HSPA4L: variants seen among roughly 807,000 people sequenced by gnomAD.
HSPA4L encodes the protein heat shock 70 kDa protein 4L.
In HSPA4L, 48 loss-of-function variants were observed where a neutral mutation model predicts 100.3. That is an observed-to-expected ratio of 0.48 (90% CI 0.38 to 0.61). HSPA4L has a LOEUF of 0.61. HSPA4L is among the 20% of genes least tolerant of loss of function. HSPA4L has a pLI of 0.00. For synonymous variants in HSPA4L, 319 were observed against 328.2 expected (o/e 0.97, Z 0.30); for missense variants, 886 against 988.6 (o/e 0.90, Z 1.39).
chr4:127,831,537 A>G (rs1026470754), intron 18 of HSPA4L, among the ~76,000 whole-genome samples: 9 of 150,704 alleles, frequency 6.0e-5, no homozygotes, highest in Non-Finnish European at 1.3e-4. Context: ...AGCAATCTAA[A>G]TATCTGTCAA....
At chr4:127,795,307 C>A (rs1390624877) in intron 2 of HSPA4L, among the ~76,000 whole-genome samples, 3 of 152,070 alleles carry the variant, frequency 2.0e-5, no homozygotes, top group Non-Finnish European at 4.4e-5. Flanking sequence ...CATCCCAAAT[C>A]CTGAAATCCA....
chr4:127,797,102 T>C (rs1413004779), intron 3 of HSPA4L, among the ~76,000 whole-genome samples: 3 of 152,146 alleles, frequency 2.0e-5, no homozygotes, highest in African/African-American at 7.2e-5. Context: ...GCTGTTAAAA[T>C]AGTTGAGGAA....
chr4:127,797,756 C>G (rs1324375464), intron 3 of HSPA4L, among the ~76,000 whole-genome samples: 1 of 152,022 alleles, frequency 6.6e-6, no homozygotes, highest in African/African-American at 2.4e-5. Flanking sequence ...CACCTGCCAC[C>G]ACGCCCAGCT....
chr4:127,829,446 A>C (rs898628153), intron 17 of HSPA4L, among the ~76,000 whole-genome samples: 2 of 152,070 alleles, frequency 1.3e-5, no homozygotes, highest in African/African-American at 4.8e-5. Context: ...TTATTAGAAT[A>C]ATACAGCAAG....
intron 11 of HSPA4L, 48 bp downstream of exon 11, chr4:127,808,177 A>T (rs373154311): frequency 1.2e-5 from 18 of 1,470,316 alleles, no homozygotes; most frequent in Non-Finnish European, 1.7e-5. Flanking sequence ...TTTATAAATA[A>T]TGTGTTATTT....
intron 6 of HSPA4L, among the ~76,000 whole-genome samples, chr4:127,802,969 A>C (rs536259162): frequency 6.6e-6 from 1 of 152,154 alleles, no homozygotes; most frequent in African/African-American, 2.4e-5. Flanking sequence ...TAGTCATTTA[A>C]CCCTAGGGAG....
At chr4:127,791,975 G>C (rs900468879) in intron 1 of HSPA4L, among the ~76,000 whole-genome samples, 5 of 152,184 alleles carry the variant, frequency 3.3e-5, no homozygotes, top group Non-Finnish European at 7.3e-5. Context: ...CAGGCATATA[G>C]TAATTATTAA....
At chr4:127,806,862 G>T (rs1436942313) in intron 10 of HSPA4L, among the ~76,000 whole-genome samples, 3 of 151,704 alleles carry the variant, frequency 2.0e-5, no homozygotes, top group Admixed American at 1.3e-4. Flanking sequence ...CAAAAATATG[G>T]ATTTTCAGCC....
At chr4:127,817,820 C>T (rs770022043) in intron 12 of HSPA4L, among the ~76,000 whole-genome samples, 9 of 151,944 alleles carry the variant, frequency 5.9e-5, no homozygotes, top group African/African-American at 1.5e-4. Flanking sequence ...TTATAAACAT[C>T]TTTCATATCA....
At chr4:127,827,564 C>T (rs1048744275) in intron 17 of HSPA4L, 140 bp downstream of exon 17, 6 of 779,460 alleles carry the variant, frequency 7.7e-6, no homozygotes, top group Non-Finnish European at 1.1e-5. Flanking sequence ...AAACTTAAAA[C>T]TTTTTTTTTT....
chr4:127,838,136 A>G lies in HSPA4L; in HGVS notation c.*5262A>G, dbSNP rs1013052990. 1.3e-5 allele frequency: 2 copies of G among 152,208 alleles called. No individual in the cohort carries two copies. The highest frequency in any genetic ancestry group is 2.9e-5 in the Non-Finnish European group (2 of 68,034). The allele number at this position is 152,208 out of a possible 1,614,324, so 9.4% of individuals were successfully genotyped here. ...TTTATATACTCATGTTTTCTAACAA[A>G]ACAGCTTTGGATTTATAATGCTGCC... On this transcript the variant is annotated 3_prime_UTR_variant, in exon 19 of 19. Coordinates refer to ENST00000296464, the MANE Select transcript of HSPA4L (RefSeq NM_014278.4).
intron 12 of HSPA4L, among the ~76,000 whole-genome samples, chr4:127,814,447 A>C (rs2148793273): frequency 6.6e-6 from 1 of 152,220 alleles, no homozygotes; most frequent in East Asian, 1.9e-4. Flanking sequence ...GCCCAGCCTA[A>C]ATCTTTTAAA....
rs1734228911 is a variant in HSPA4L, at chr4:127,837,089, C to T, written c.*4215C>T. On this transcript the variant is annotated 3_prime_UTR_variant, in exon 19 of 19. Coordinates refer to ENST00000296464, the MANE Select transcript of HSPA4L (RefSeq NM_014278.4). The stretch of plus-strand genomic sequence containing the variant: ...TCCTGAGTAGCTGGGACTACAGGTG[C>T]ATGACACCACACCCAGCTAATTTTT... 1 of 152,186 alleles carries T rather than the reference C, an allele frequency of 6.6e-6. No homozygotes were observed. Among genetic ancestry groups the T allele is most frequent in the South Asian group, 2.1e-4 (1 of 4,832 alleles). The allele number at this position is 152,186 out of a possible 1,614,324, so 9.4% of individuals were successfully genotyped here. A position where few individuals can be genotyped will look rare whatever the true frequency, so the allele number is the denominator to read the frequency against.
At position 127,801,876 on chromosome 4, in the gene HSPA4L, C is replaced by G; in HGVS notation, c.621C>G (p.Ala207=). The G allele has an allele frequency of 6.2e-7, 1 of 1,608,878 alleles. No individual in the cohort carries two copies. Among genetic ancestry groups the G allele is most frequent in the Non-Finnish European group, 8.5e-7 (1 of 1,177,068 alleles). The change falls in exon 6 of 19, where the codon GCC becomes GCG. Residue 207 remains alanine, a synonymous_variant. Coordinates refer to ENST00000296464, the MANE Select transcript of HSPA4L (RefSeq NM_014278.4). ...TATTTATTGATATGGGACATTCTGC[C>G]TATCAGGTCTTGGTTTGTGCTTTTA... is the stretch of plus-strand genomic sequence containing the variant. ...NVVFIDMGHS[A]YQVLVCAFNK...
chr4:127,798,335 G>A (rs1337638482), intron 3 of HSPA4L, among the ~76,000 whole-genome samples: 1 of 152,120 alleles, frequency 6.6e-6, no homozygotes, highest in Non-Finnish European at 1.5e-5. Context: ...GGATCTGAGA[G>A]GGTAGAAACT....
intron 1 of HSPA4L, among the ~76,000 whole-genome samples, chr4:127,789,906 A>G (rs1047985228): frequency 1.4e-4 from 21 of 152,174 alleles, no homozygotes; most frequent in Non-Finnish European, 5.9e-5. Flanking sequence ...CTTGGCAGGT[A>G]TTTTTTATTT....
At chr4:127,803,933 T>C in intron 7 of HSPA4L, 60 bp downstream of exon 7, 2 of 1,606,736 alleles carry the variant, frequency 1.2e-6, no homozygotes, top group Non-Finnish European at 1.7e-6. Flanking sequence ...TTAGATCACG[T>C]CTGATTTGTT....
chr4:127,807,053 G>A (rs539718911), intron 10 of HSPA4L, among the ~76,000 whole-genome samples: 10 of 152,046 alleles, frequency 6.6e-5, no homozygotes, highest in East Asian at 1.9e-4. Context: ...GTAAGAAAAC[G>A]TATGGGGAGC....
At chr4:127,815,794 A>C (rs1410189011) in intron 12 of HSPA4L, among the ~76,000 whole-genome samples, 1 of 152,208 alleles carries the variant, frequency 6.6e-6, no homozygotes, top group Non-Finnish European at 1.5e-5. Flanking sequence ...ATAGCATATA[A>C]ATATAAAGGA....
Sources: allele counts gnomAD v4.1 joint callset (sites outside exome capture counted in the v4.1 genomes callset), GRCh38; gene constraint gnomAD v4.1.1; transcripts MANE v1.5; gene names NCBI Gene and HGNC (gene_info 2026-07-23, HGNC 2026-07-21).